The following ADGRL3 variants were observed in gnomAD, a reference collection of about 807,000 sequenced individuals.
ADGRL3 encodes the protein adhesion G protein-coupled receptor L3.
Under a neutral mutation model 153.5 loss-of-function variants are expected in ADGRL3, and 62 were observed. The ratio of observed to expected loss-of-function variants is 0.40; its 90% CI spans 0.33 to 0.50. The LOEUF (loss-of-function observed/expected upper bound fraction) is 0.50. ADGRL3 is among the 20% of genes least tolerant of loss of function. The probability of loss-of-function intolerance (pLI) is 0.47; values close to 1 mark genes in which losing one functional copy is unlikely to be tolerated. For synonymous variants in ADGRL3, 710 were observed against 672.5 expected (o/e 1.06, Z -0.86); for missense variants, 1,641 against 1,859.4 (o/e 0.88, Z 2.16).
intron 8 of ADGRL3, among the ~76,000 whole-genome samples, chr4:61,804,284 A>C (rs2148474372): frequency 6.6e-6 from 1 of 152,250 alleles, no homozygotes; most frequent in South Asian, 2.1e-4. Context: ...GGGGGCATAT[A>C]TTGATCTCAA....
intron 4 of ADGRL3, among the ~76,000 whole-genome samples, chr4:61,581,968 A>C (rs1341991137): frequency 6.6e-6 from 1 of 152,058 alleles, no homozygotes; most frequent in Non-Finnish European, 1.5e-5. Context: ...ATTCTTTTGT[A>C]AAAAATTATT....
chr4:61,395,227 T>C (rs1456420173), intron 2 of ADGRL3, among the ~76,000 whole-genome samples: 6 of 151,914 alleles, frequency 3.9e-5, no homozygotes, highest in Non-Finnish European at 7.4e-5. Context: ...CCAAGAAAAA[T>C]GAATGCTTCT....
At chr4:61,869,021 C>T (rs2098419445) in intron 9 of ADGRL3, among the ~76,000 whole-genome samples, 1 of 152,186 alleles carries the variant, frequency 6.6e-6, no homozygotes, top group African/African-American at 2.4e-5. Flanking sequence ...CAGCTCACTG[C>T]AGCCTCGACC....
At chr4:61,853,652 C>T (rs2098232899) in intron 9 of ADGRL3, among the ~76,000 whole-genome samples, 1 of 152,226 alleles carries the variant, frequency 6.6e-6, no homozygotes, top group Non-Finnish European at 1.5e-5. Context: ...TGTCCTCAGT[C>T]TCTTACCCAA....
intron 6 of ADGRL3, among the ~76,000 whole-genome samples, chr4:61,693,730 A>G (rs1316500803): frequency 6.6e-6 from 1 of 152,182 alleles, no homozygotes; most frequent in Non-Finnish European, 1.5e-5. Context: ...TGTCTATTTA[A>G]TTAAATTTTC....
chr4:61,879,386 C>T (rs1261029242), intron 9 of ADGRL3, among the ~76,000 whole-genome samples: 1 of 152,136 alleles, frequency 6.6e-6, no homozygotes, highest in African/African-American at 2.4e-5. Context: ...TTTGCATACA[C>T]ATAATGAGAT....
intron 2 of ADGRL3, among the ~76,000 whole-genome samples, chr4:61,399,144 A>T (rs1410625405): frequency 6.6e-6 from 1 of 151,748 alleles, no homozygotes; most frequent in East Asian, 1.9e-4. Flanking sequence ...CGTTACTAAA[A>T]TTATTATTTA....
intron 17 of ADGRL3, among the ~76,000 whole-genome samples, chr4:61,978,838 G>A (rs2099057295): frequency 1.3e-5 from 2 of 151,416 alleles, no homozygotes; most frequent in African/African-American, 4.8e-5. Context: ...CAGCAATTCT[G>A]AATATTTATT....
intron 2 of ADGRL3, among the ~76,000 whole-genome samples, chr4:61,495,604 A>G (rs1378028545): frequency 6.6e-5 from 10 of 152,116 alleles, no homozygotes; most frequent in African/African-American, 2.2e-4. Context: ...ATTGTAAAAG[A>G]TGGTGTCTTC....
chr4:62,022,639 G>T (rs977621502), intron 21 of ADGRL3, among the ~76,000 whole-genome samples: 76 of 152,066 alleles, frequency 5.0e-4, no homozygotes, highest in African/African-American at 1.8e-3. Flanking sequence ...GTTGAAGCCA[G>T]TGCTTACTAT....
At chr4:61,273,620 C>A (rs866979189) in intron 1 of ADGRL3, among the ~76,000 whole-genome samples, 2 of 152,126 alleles carry the variant, frequency 1.3e-5, no homozygotes, top group Non-Finnish European at 2.9e-5. Context: ...ACAAGTGCTA[C>A]AGTAAAATTT....
At chr4:61,519,499 T>A (rs1172336116) in intron 4 of ADGRL3, among the ~76,000 whole-genome samples, 1 of 152,188 alleles carries the variant, frequency 6.6e-6, no homozygotes, top group Non-Finnish European at 1.5e-5. Flanking sequence ...GATGATACTT[T>A]TTGAAAGTTG....
intron 9 of ADGRL3, among the ~76,000 whole-genome samples, chr4:61,884,782 G>A (rs1200298603): frequency 6.6e-6 from 1 of 151,408 alleles, no homozygotes; most frequent in African/African-American, 2.4e-5. Context: ...CTGCCACCAC[G>A]CCCGGCTAAT....
intron 23 of ADGRL3, among the ~76,000 whole-genome samples, chr4:62,032,730 G>A (rs1722798697): frequency 6.6e-6 from 1 of 151,604 alleles, no homozygotes. Flanking sequence ...TGAAAAGAGT[G>A]TCCACTTGTG....
chr4:61,455,844 C>A (rs976743138), intron 2 of ADGRL3, among the ~76,000 whole-genome samples: 2 of 151,988 alleles, frequency 1.3e-5, no homozygotes, highest in African/African-American at 2.4e-5. Flanking sequence ...GAAACAGAGT[C>A]TCACTCTATC....
rs748424174 is a variant in ADGRL3 at position 61,990,580 on chromosome 4, G to A, written c.3237-5711G>A. Among the ~76,000 whole-genome samples the A allele has an allele frequency of 3.9e-4, 60 of 152,064 alleles. 1 individual carries two copies. Among genetic ancestry groups the A allele is most frequent in the Non-Finnish European group, 1.8e-4 (12 of 67,924 alleles). On this transcript the variant is annotated intron_variant, in intron 19 of 26. Coordinates refer to ENST00000683033, the MANE Select transcript of ADGRL3 (RefSeq NM_001387552.1). ...GATATATAAATCATATTGCAGTGAA[G>A]CTGTTTAATAATACTAAAAGTTTCA...
chr4:61,834,370 T>A lies in ADGRL3; in HGVS notation c.1480+20481T>A, dbSNP rs1414013827. On this transcript the variant is annotated intron_variant, in intron 9 of 26. Transcript: ENST00000683033. ...AATCCAATCTATCATTGTTGGACAT[T>A]TGGGTTGGTTCCAAGTCTTTGCTAT... Among the ~76,000 whole-genome samples the A allele has an allele frequency of 3.9e-5, 6 of 152,240 alleles. No individual in the cohort carries two copies. The East Asian group carries it at 1.2e-3, about 29-fold the overall frequency.
chr4:61,568,154 T>G (rs974998249), intron 4 of ADGRL3, among the ~76,000 whole-genome samples: 3 of 152,196 alleles, frequency 2.0e-5, no homozygotes, highest in African/African-American at 7.2e-5. Flanking sequence ...GAAATATTCT[T>G]TCTCTATCAG....
In ADGRL3 at chr4:61,201,540, G is replaced by A. The variant is rs574463781; in HGVS notation, c.-465G>A. The A allele has an allele frequency of 2.6e-5, 4 of 152,348 alleles. No homozygotes were observed. The South Asian group carries it at 8.3e-4, about 32-fold the overall frequency. 9.4% of individuals were successfully genotyped at this position (152,348 alleles called of 1,614,324 possible). A position where few individuals can be genotyped will look rare whatever the true frequency, so the allele number is the denominator to read the frequency against. ...CTCCGTGGCTGTGTAGCGGAAGAAA[G>A]GGAAGAGAGACTTTTTGTTGTTGTT... On this transcript the variant is annotated 5_prime_UTR_variant, in exon 1 of 27. Transcript: ENST00000683033.
Sources: gnomAD v4.1 joint callset for allele counts (sites outside exome capture counted in the v4.1 genomes callset) on GRCh38, gnomAD v4.1.1 for gene constraint, MANE v1.5 for transcripts, NCBI Gene and HGNC (gene_info 2026-07-23, HGNC 2026-07-21) for gene names.